Variants in PTPN6 observed in about 807,000 individuals in gnomAD.
The protein encoded by PTPN6 is tyrosine-protein phosphatase non-receptor type 6.
A neutral mutation model predicts 81.5 loss-of-function variants in PTPN6; 18 were observed. That is an observed-to-expected ratio of 0.22 (90% CI 0.15 to 0.33). The LOEUF (loss-of-function observed/expected upper bound fraction) is 0.33, where lower values mean the gene tolerates loss of function less well. PTPN6 is among the 10% of genes least tolerant of loss of function. The probability of loss-of-function intolerance (pLI) is 1.00; values close to 1 mark genes in which losing one functional copy is unlikely to be tolerated. For missense variants in PTPN6, 500 were observed against 794.2 expected (o/e 0.63, Z 4.45); for synonymous variants, 301 against 310.9 (o/e 0.97, Z 0.33).
Position 6,955,100 on chromosome 12 carries a change from C to T in PTPN6, c.517-51C>T, listed in dbSNP as rs1295987155. The T allele has an allele frequency of 1.2e-6, 2 of 1,609,158 alleles. No homozygotes were observed. Among genetic ancestry groups the T allele is most frequent in the Non-Finnish European group, 1.7e-6 (2 of 1,175,670 alleles). ...TGGGCTTGAATTCAAGGCTGGGGAC[C>T]CAGGGAGGGAGACTCAAGTCCTGTG... On this transcript the variant is annotated intron_variant, in intron 4 of 15. Transcript: ENST00000318974. The surrounding 1 kb of genome is among the most constrained non-coding windows in gnomAD (Gnocchi z 7.2).
chr12:6,959,370 G>A lies in PTPN6; in HGVS notation c.1362-557G>A, dbSNP rs1555149312. ...GCTGGGCTCAGCTGAGGGTGGGCCT[G>A]GGGTCTCCCTGAGGTCTGTTTGCCC... On this transcript the variant is annotated intron_variant, in intron 11 of 15. Coordinates refer to ENST00000318974, the MANE Select transcript of PTPN6 (RefSeq NM_002831.6). The surrounding 1 kb of genome is among the most constrained non-coding windows in gnomAD (Gnocchi z 6.6). The A allele has an allele frequency of 5.8e-6, 1 of 171,276 alleles. No homozygotes were observed. Among genetic ancestry groups the A allele is most frequent in the African/African-American group, 2.4e-5 (1 of 41,754 alleles). The allele number at this position is 171,276 out of a possible 1,614,324, so 10.6% of individuals were successfully genotyped here. A position where few individuals can be genotyped will look rare whatever the true frequency, so the allele number is the denominator to read the frequency against.
At position 6,960,355 on chromosome 12, in the gene PTPN6, C is replaced by T; in HGVS notation, c.1593C>T (p.Gly531=). 6.2e-7 allele frequency: 1 copy of T among 1,613,370 alleles called. No individual in the cohort carries two copies. ...CCCTCTGCCCACAGTCGCAGAAGGG[C>T]CAGGAGTCGGAGTACGGGAACATCA... is the stretch of plus-strand genomic sequence containing the variant. ...KKLEVLQSQK[G]QESEYGNITY... Residue 531 remains glycine (G), a synonymous_variant, in exon 14 of 16, where the codon GGC becomes GGT. Coordinates refer to ENST00000318974, the MANE Select transcript of PTPN6 (RefSeq NM_002831.6). The surrounding 1 kb of genome is among the most constrained non-coding windows in gnomAD (Gnocchi z 6.1).
At position 6,954,843 on chromosome 12, in the gene PTPN6, C is replaced by T. The variant is rs201550362; in HGVS notation, c.365C>T (p.Thr122Met). The change falls in exon 4 of 16, where the codon ACG (threonine) becomes ATG (methionine). Residue 122 changes from threonine to methionine, a missense_variant. By Grantham distance (81) the Thr-to-Met change is moderately conservative (BLOSUM62 -1). Coordinates refer to ENST00000318974, the MANE Select transcript of PTPN6 (RefSeq NM_002831.6). This position sits in a 1 kb window ranked among gnomAD's most constrained non-coding sequence, Gnocchi z 5.4. ...HGHMSGGQAE[T>M]LLQAKGEPWT... ...CACATGTCTGGCGGGCAGGCAGAGA[C>T]GCTGCTGCAGGCCAAGGGCGAGCCC... is the stretch of plus-strand genomic sequence containing the variant. 1.7e-4 allele frequency: 282 copies of T among 1,614,166 alleles called. No individual in the cohort carries two copies. The highest frequency in any genetic ancestry group is 3.3e-4 in the Middle Eastern group (2 of 6,058).
chr12:6,955,227 G>T lies in PTPN6; in HGVS notation c.593G>T (p.Gly198Val). The change falls in exon 5 of 16, where the codon GGG becomes GTG. Residue 198 changes from glycine (G) to valine (V), a missense_variant. Around this residue, in one of 6 missense-constraint regions of PTPN6, gnomAD observed 96 missense variants for 137.3 expected, o/e 0.70. Transcript: ENST00000318974. This position sits in a 1 kb window ranked among gnomAD's most constrained non-coding sequence, Gnocchi z 7.2. The stretch of plus-strand genomic sequence containing the variant: ...CTGGTGGAGCATTTCAAGAAGACGG[G>T]GATTGAGGAGGCCTCAGGCGCCTTT... ...TDLVEHFKKT[G>V]IEEASGAFVY... 1 of 1,614,204 alleles carries T rather than the reference G, an allele frequency of 6.2e-7. No individual in the cohort carries two copies. Among genetic ancestry groups the T allele is most frequent in the Non-Finnish European group, 8.5e-7 (1 of 1,180,024 alleles).
upstream of PTPN6, among the ~76,000 whole-genome samples, chr12:6,948,851 A>G (rs782275992): frequency 3.2e-4 from 49 of 151,574 alleles, no homozygotes; most frequent in Non-Finnish European, 6.5e-4. Flanking sequence ...AGGCTGAGGC[A>G]GGAGAATTGC....
rs368190355 is a variant in PTPN6 at position 6,956,475 on chromosome 12, T to C, written c.981T>C (p.Cys327=). The stretch of plus-strand genomic sequence containing the variant: ...AGACCTACATCGCCAGCCAGGGTTG[T>C]CTGGAGGCCACGGTCAATGACTTCT... ...NAKTYIASQG[C]LEATVNDFWQ... Residue 327 remains cysteine (C), a synonymous_variant, in exon 9 of 16, where the codon TGT becomes TGC. Transcript: ENST00000318974. The surrounding 1 kb of genome is among the most constrained non-coding windows in gnomAD (Gnocchi z 4.1). 9 of 1,613,934 alleles carry C rather than the reference T, an allele frequency of 5.6e-6. No individual in the cohort carries two copies. In the African/African-American group the frequency reaches 1.2e-4, roughly 22 times the overall value.
upstream of PTPN6, among the ~76,000 whole-genome samples, chr12:6,949,983 T>C (rs1467922656): frequency 7.1e-6 from 1 of 141,018 alleles, no homozygotes; most frequent in African/African-American, 2.7e-5. Context: ...GGTTTCACTA[T>C]GTTGGCCAGG....
chr12:6,961,132 C>T lies in PTPN6; in HGVS notation c.*32C>T. On this transcript the variant is annotated 3_prime_UTR_variant, in exon 16 of 16. Transcript: ENST00000318974. ...CACTCCCTTCTCTTGGCAGCCTCAGCCCTGACCCTGTGGAAGCATTTCGCG... is the reference window on the plus strand; with the variant it reads ...CACTCCCTTCTCTTGGCAGCCTCAGTCCTGACCCTGTGGAAGCATTTCGCG... 5.4e-6 allele frequency: 5 copies of T among 924,682 alleles called. No individual in the cohort carries two copies. The South Asian group carries it at 6.6e-5, about 12-fold the overall frequency. The allele number at this position is 924,682 out of a possible 1,614,324, so 57.3% of individuals were successfully genotyped here.
At chr12:6,958,301 C>T (rs1202258117) in intron 11 of PTPN6, among the ~76,000 whole-genome samples, 1 of 152,190 alleles carries the variant, frequency 6.6e-6, no homozygotes, top group Non-Finnish European at 1.5e-5. Flanking sequence ...GAGCCCTCTC[C>T]GGATGTACCA....
rs782271352 is a variant in PTPN6 at position 6,959,317 on chromosome 12, T to C, written c.1362-610T>C. 2 of 157,116 alleles carry C rather than the reference T, an allele frequency of 1.3e-5. No individual in the cohort carries two copies. The highest frequency in any genetic ancestry group is 2.8e-5 in the Non-Finnish European group (2 of 70,886). The allele number at this position is 157,116 out of a possible 1,614,324, so 9.7% of individuals were successfully genotyped here. A position where few individuals can be genotyped will look rare whatever the true frequency, so the allele number is the denominator to read the frequency against. On this transcript the variant is annotated intron_variant, in intron 11 of 15. Transcript: ENST00000318974. This position sits in a 1 kb window ranked among gnomAD's most constrained non-coding sequence, Gnocchi z 6.6. ...ATTTTTGACAATCTGGGTTTGAAAT[T>C]AGACAGCGCGACTCAGGGCATCAGC...
At chr12:6,958,768 G>A (rs903854592) in intron 11 of PTPN6, among the ~76,000 whole-genome samples, 2 of 152,228 alleles carry the variant, frequency 1.3e-5, no homozygotes, top group Admixed American at 6.5e-5. Context: ...CTGGGTGGAT[G>A]AGAGGCAGTG....
chr12:6,951,785 A>G lies in PTPN6; in HGVS notation c.131+54A>G. On this transcript the variant is annotated intron_variant, in intron 2 of 15. Coordinates refer to ENST00000318974, the MANE Select transcript of PTPN6 (RefSeq NM_002831.6). This position sits in a 1 kb window ranked among gnomAD's most constrained non-coding sequence, Gnocchi z 7.2. ...TTTTGGCCACTCTCTTGTGCCATCC[A>G]GGCCCTGAACCACTCATTCCTGGTT... The G allele has an allele frequency of 1.9e-6, 3 of 1,604,100 alleles. No homozygotes were observed. The highest frequency in any genetic ancestry group is 1.9e-4 in the Middle Eastern group (1 of 5,206).
Position 6,960,093 on chromosome 12 carries a change from G to T in PTPN6, c.1435G>T (p.Asp479Tyr). Reference sequence around the variant, plus strand: ...TTTGACTGCCCCCCACCCAGGCCTGGACTGTGACATTGACATCCAGAAGAC... The same window carrying T: ...TTTGACTGCCCCCCACCCAGGCCTGTACTGTGACATTGACATCCAGAAGAC... ...LMENISTKGLDCDIDIQKTIQ... is the reference protein window; with the variant it reads ...LMENISTKGLYCDIDIQKTIQ... Residue 479 changes from aspartate (D) to tyrosine (Y), a missense_variant, in exon 13 of 16, where the codon GAC (aspartate) becomes TAC (tyrosine). Asp to Tyr is a radical substitution (Grantham distance 160). Around this residue, in one of 6 missense-constraint regions of PTPN6, gnomAD observed 226 missense variants for 364.4 expected, o/e 0.62. Coordinates refer to ENST00000318974, the MANE Select transcript of PTPN6 (RefSeq NM_002831.6). The surrounding 1 kb of genome is among the most constrained non-coding windows in gnomAD (Gnocchi z 6.1). 2 of 1,613,704 alleles carry T rather than the reference G, an allele frequency of 1.2e-6. No homozygotes were observed. The highest frequency in any genetic ancestry group is 1.7e-6 in the Non-Finnish European group (2 of 1,180,006).
Position 6,952,575 on chromosome 12 carries a change from A to G in PTPN6, c.326+398A>G, listed in dbSNP as rs1013934478. ...CTCCGTCTGCCCCTCACCCCAGCAC[A>G]TGTTAGGACAGTGAGGAGCTGACAC... On this transcript the variant is annotated intron_variant, in intron 3 of 15. Transcript: ENST00000318974. The surrounding 1 kb of genome is among the most constrained non-coding windows in gnomAD (Gnocchi z 8.1). 9 of 317,602 alleles carry G rather than the reference A, an allele frequency of 2.8e-5. No individual in the cohort carries two copies. Among genetic ancestry groups the G allele is most frequent in the Non-Finnish European group, 4.9e-5 (8 of 162,412 alleles). The allele number at this position is 317,602 out of a possible 1,614,324, so 19.7% of individuals were successfully genotyped here.
upstream of PTPN6, chr12:6,946,793 G>A (rs1945826888): frequency 1.2e-5 from 19 of 1,563,610 alleles, no homozygotes; most frequent in Middle Eastern, 1.7e-4. Flanking sequence ...TGGAGGGAGG[G>A]AGGGCTTTGT....
rs200155138 is a variant in PTPN6 at position 6,960,420 on chromosome 12, C to T, written c.1658C>T (p.Ser553Phe). 111 of 1,613,814 alleles carry T rather than the reference C, an allele frequency of 6.9e-5. No individual in the cohort carries two copies. In the African/African-American group the frequency reaches 1.4e-3, roughly 20 times the overall value. Residue 553 changes from serine to phenylalanine, a missense_variant, in exon 14 of 16, where the codon TCC becomes TTC. Around this residue, in one of 6 missense-constraint regions of PTPN6, gnomAD observed 56 missense variants for 56.4 expected, o/e 0.99. Transcript: ENST00000318974. The surrounding 1 kb of genome is among the most constrained non-coding windows in gnomAD (Gnocchi z 6.1). The part of the protein sequence containing the change: ...PAMKNAHAKA[S>F]RTSSKHKEDV... ...ATGAAGAATGCCCATGCCAAGGCCT[C>T]CCGCACCTCGTCCAAGTGAGTGGCC... is the stretch of plus-strand genomic sequence containing the variant.
chr12:6,950,461 A>G (rs1488951001), upstream of PTPN6, among the ~76,000 whole-genome samples: 1 of 78,584 alleles, frequency 1.3e-5, no homozygotes, highest in East Asian at 4.3e-4. Context: ...AGCCATGGTG[A>G]GGACCTTGTC....
chr12:6,956,185 C>T lies in PTPN6; in HGVS notation c.888C>T (p.Ile296=). The T allele has an allele frequency of 1.9e-6, 3 of 1,614,192 alleles. No individual in the cohort carries two copies. Among genetic ancestry groups the T allele is most frequent in the South Asian group, 2.2e-5 (2 of 91,086 alleles). The part of the protein sequence containing the change: ...RVILQGRDSN[I]PGSDYINANY... ...TCCTGCAGGGACGGGACAGTAACAT[C>T]CCCGGGTCCGACTACATCAATGCCA... is the stretch of plus-strand genomic sequence containing the variant. Residue 296 remains isoleucine (I), a synonymous_variant, in exon 8 of 16, where the codon ATC becomes ATT. Transcript: ENST00000318974. This position sits in a 1 kb window ranked among gnomAD's most constrained non-coding sequence, Gnocchi z 4.1.
rs1555147944 is a variant in PTPN6, at chr12:6,952,520, T to C, written c.326+343T>C. 7.6e-6 allele frequency: 3 copies of C among 397,100 alleles called. No individual in the cohort carries two copies. The highest frequency in any genetic ancestry group is 1.4e-5 in the Non-Finnish European group (3 of 211,190). 24.6% of individuals were successfully genotyped at this position (397,100 alleles called of 1,614,324 possible). On this transcript the variant is annotated intron_variant, in intron 3 of 15. Coordinates refer to ENST00000318974, the MANE Select transcript of PTPN6 (RefSeq NM_002831.6). This position sits in a 1 kb window ranked among gnomAD's most constrained non-coding sequence, Gnocchi z 8.1. ...CAGGCCAGCTCTGTTGTTAGAAAGC[T>C]CTTCTTCCTCTGGAATCGAGCCTGC...
Sources: gnomAD v4.1 joint callset for allele counts (sites outside exome capture counted in the v4.1 genomes callset) on GRCh38, gnomAD v4.1.1 for gene constraint, gnomAD v4.1.1 regional missense constraint, Gnocchi (gnomAD v3.1) non-coding constraint, MANE v1.5 for transcripts, NCBI Gene and HGNC (gene_info 2026-07-23, HGNC 2026-07-21) for gene names.